Variants in CLIP1 observed in about 807,000 individuals in gnomAD.
CLIP1 encodes CAP-Gly domain containing linker protein 1, also known as CAP-Gly domain-containing linker protein 1.
CLIP1 carries 66 observed loss-of-function variants against 161.6 expected under a neutral mutation model. The observed-to-expected ratio is 0.41, with a 90% CI of 0.33 to 0.50. The LOEUF (loss-of-function observed/expected upper bound fraction) is 0.50, where lower values mean the gene tolerates loss of function less well. Ranked by LOEUF, CLIP1 falls within the 20% of genes least tolerant of loss-of-function variation. The pLI, the probability that CLIP1 is intolerant of heterozygous loss-of-function variation, is 0.27. For missense variants in CLIP1, 1,376 were observed against 1,702.0 expected (o/e 0.81, Z 3.37); for synonymous variants, 598 against 626.2 (o/e 0.96, Z 0.67).
intron 5 of CLIP1, among the ~76,000 whole-genome samples, chr12:122,360,424 A>G (rs1953716982): frequency 6.6e-6 from 1 of 151,846 alleles, no homozygotes; most frequent in Admixed American, 6.6e-5. Flanking sequence ...AAAAAAAAAA[A>G]AAAAAAAATT....
chr12:122,391,324 G>A (rs948203364), intron 1 of CLIP1, among the ~76,000 whole-genome samples: 19 of 151,832 alleles, frequency 1.3e-4, no homozygotes, highest in African/African-American at 2.9e-4. Flanking sequence ...AGTGGCTCAC[G>A]CCTGTAATCC....
At chr12:122,389,847 T>C (rs2136951477) in intron 1 of CLIP1, among the ~76,000 whole-genome samples, 2 of 147,004 alleles carry the variant, frequency 1.4e-5, no homozygotes, top group Middle Eastern at 7.1e-3. Flanking sequence ...AATCTCATGT[T>C]GAACTGTCAA....
In CLIP1 at chr12:122,355,192, C is replaced by T; in HGVS notation, c.1126G>A (p.Ala376Thr). Reference protein sequence around the residue: ...QLLAERDLERAEVAKATSHVG... With the variant: ...QLLAERDLERTEVAKATSHVG... The stretch of plus-strand genomic sequence containing the variant: ...TGGCTCGTGGCCTTGGCCACCTCCG[C>T]CCTCTCCAGATCCCGTTCCGCCAGC... The change falls in exon 6 of 26, where the codon GCG (alanine) becomes ACG (threonine). Residue 376 changes from alanine to threonine, a missense_variant. Coordinates refer to ENST00000620786, the MANE Select transcript of CLIP1 (RefSeq NM_001247997.2). This position sits in a 1 kb window ranked among gnomAD's most constrained non-coding sequence, Gnocchi z 4.1. 1 of 1,614,252 alleles carries T rather than the reference C, an allele frequency of 6.2e-7. No homozygotes were observed. The highest frequency in any genetic ancestry group is 8.5e-7 in the Non-Finnish European group (1 of 1,180,036).
intron 20 of CLIP1, among the ~76,000 whole-genome samples, chr12:122,305,215 C>A (rs898787837): frequency 6.6e-6 from 1 of 152,164 alleles, no homozygotes; most frequent in Non-Finnish European, 1.5e-5. Flanking sequence ...TCAGACATAT[C>A]AAAAGTGACT....
intron 1 of CLIP1, among the ~76,000 whole-genome samples, chr12:122,394,420 C>T (rs1217026423): frequency 2.3e-5 from 3 of 128,864 alleles, no homozygotes; most frequent in Non-Finnish European, 4.6e-5. Flanking sequence ...AGCCGGGAAG[C>T]GGAGGTTGCA....
intron 20 of CLIP1, among the ~76,000 whole-genome samples, chr12:122,299,916 A>G (rs1950618627): frequency 8.2e-6 from 1 of 121,378 alleles, no homozygotes; most frequent in Non-Finnish European, 1.5e-5. Context: ...ACTCTGTCTC[A>G]AAAAAAAAAA....
intron 1 of CLIP1, among the ~76,000 whole-genome samples, chr12:122,387,590 ATTTTTTTTTTT>A (rs139790813): frequency 1.6e-4 from 1 of 6,274 alleles, no homozygotes; most frequent in African/African-American, 3.4e-4. Flanking sequence ...ATATATATAT[ATTTTTTTTTTT>A]TTTTTTTTTT....
chr12:122,369,357 G>A (rs1230625384), intron 3 of CLIP1, among the ~76,000 whole-genome samples: 1 of 151,836 alleles, frequency 6.6e-6, no homozygotes, highest in Non-Finnish European at 1.5e-5. Flanking sequence ...ATTACCTCCA[G>A]TGAAGGGCCA....
intron 20 of CLIP1, among the ~76,000 whole-genome samples, chr12:122,290,619 A>G (rs1299399347): frequency 6.6e-6 from 1 of 152,174 alleles, no homozygotes; most frequent in Admixed American, 6.5e-5. Flanking sequence ...GACAATTCAC[A>G]AAACAAAATA....
At chr12:122,296,906 G>A (rs1386290594) in intron 20 of CLIP1, among the ~76,000 whole-genome samples, 1 of 150,942 alleles carries the variant, frequency 6.6e-6, no homozygotes, top group Non-Finnish European at 1.5e-5. Flanking sequence ...ACAAGGTAGA[G>A]AGGATGAATG....
intron 20 of CLIP1, among the ~76,000 whole-genome samples, chr12:122,307,567 A>T (rs1299357264): frequency 3.6e-4 from 55 of 152,188 alleles, no homozygotes. Context: ...TATTTTTTTT[A>T]AATAGCATTT....
intron 19 of CLIP1, among the ~76,000 whole-genome samples, chr12:122,314,290 CA>C (rs35901280): frequency 0.46 from 45,094 of 98,964 alleles, 8,312 homozygotes; most frequent in East Asian, 0.73. Context: ...GACTCCATCT[CA>C]AAAAAAAAAA....
At chr12:122,347,570 AC>A in intron 9 of CLIP1, 91 bp from the exon 10 acceptor site, 1 of 928,276 alleles carries the variant, frequency 1.1e-6, no homozygotes. Context: ...AGGCTGAGCC[AC>A]CAGTACCTTC....
At chr12:122,384,819 T>C (rs1242461259) in intron 1 of CLIP1, among the ~76,000 whole-genome samples, 5 of 151,742 alleles carry the variant, frequency 3.3e-5, no homozygotes, top group Non-Finnish European at 5.9e-5. Flanking sequence ...TTTTTTTTTT[T>C]TCTCTTCTAA....
intron 3 of CLIP1, among the ~76,000 whole-genome samples, chr12:122,376,503 G>A (rs537312793): frequency 1.2e-4 from 19 of 152,088 alleles, no homozygotes; most frequent in Admixed American, 9.2e-4. Flanking sequence ...GTCTCGCTCT[G>A]TCTCCTAGGC....
intron 24 of CLIP1, 96 bp downstream of exon 24, chr12:122,278,058 G>A: frequency 3.7e-6 from 4 of 1,091,642 alleles, no homozygotes; most frequent in East Asian, 4.7e-5. Context: ...AAGACTAAAT[G>A]ATACAAAAGG....
intron 19 of CLIP1, among the ~76,000 whole-genome samples, chr12:122,315,704 G>A (rs1221217734): frequency 1.3e-5 from 2 of 150,362 alleles, no homozygotes; most frequent in East Asian, 2.0e-4. Context: ...GCAGTGGCTC[G>A]ATCTCGGCTC....
At chr12:122,337,998 G>C (rs1276820981) in intron 11 of CLIP1, among the ~76,000 whole-genome samples, 4 of 146,344 alleles carry the variant, frequency 2.7e-5, no homozygotes, top group Admixed American at 1.4e-4. Flanking sequence ...CTGGGCCACA[G>C]AGCGAGACTC....
intron 19 of CLIP1, among the ~76,000 whole-genome samples, chr12:122,312,624 C>T (rs1014550017): frequency 6.6e-5 from 10 of 152,090 alleles, no homozygotes; most frequent in East Asian, 1.9e-4. Context: ...ATTAGTTGGG[C>T]GTGGTGGTGC....
Sources: gnomAD v4.1 joint callset for allele counts (sites outside exome capture counted in the v4.1 genomes callset) on GRCh38, gnomAD v4.1.1 for gene constraint, Gnocchi (gnomAD v3.1) non-coding constraint, MANE v1.5 for transcripts, NCBI Gene and HGNC (gene_info 2026-07-23, HGNC 2026-07-21) for gene names.